AMOT: variants seen among roughly 807,000 people sequenced by gnomAD.
AMOT encodes the protein angiomotin.
A neutral mutation model predicts 67.0 loss-of-function variants in AMOT; 11 were observed. The observed-to-expected ratio is 0.16, with a 90% CI of 0.10 to 0.27. The LOEUF is 0.27. AMOT is among the 10% of genes least tolerant of loss of function. The probability of loss-of-function intolerance (pLI) is 1.00; values close to 1 mark genes in which losing one functional copy is unlikely to be tolerated. For synonymous variants in AMOT, 326 were observed against 321.4 expected, an observed-to-expected ratio of 1.01 and a Z score of -0.15; for missense variants, 753 against 852.0, an observed-to-expected ratio of 0.88 and a Z score of 1.45.
chrX:112,809,965 T>C lies in AMOT; in HGVS notation c.1559A>G (p.Lys520Arg). 1 of 1,210,852 alleles carries C rather than the reference T, an allele frequency of 8.3e-7. No individual in the cohort carries two copies. The highest frequency in any genetic ancestry group is 1.1e-6 in the Non-Finnish European group (1 of 894,947). The stretch of plus-strand genomic sequence containing the variant: ...CTCATATTCCTTCTCTGCAAGCTGC[T>C]TGTTGGCAGTCTCTAGACGCTCTGT... ...DLRERLETAN[K>R]QLAEKEYEGS... The change falls in exon 7 of 14, where the codon AAG becomes AGG. Residue 520 changes from lysine to arginine, a missense_variant. Coordinates refer to ENST00000371959, the MANE Select transcript of AMOT (RefSeq NM_001113490.2).
In AMOT at chrX:112,812,715, G is replaced by T. The variant is rs866788319; in HGVS notation, c.1393-1322C>A. On this transcript the variant is annotated intron_variant, in intron 5 of 13. Coordinates refer to ENST00000371959, the MANE Select transcript of AMOT (RefSeq NM_001113490.2). ...TGCAACCATTCTGCATTGCTTCTGTGTTTTCCACTATCCTGTTTAACAAAG... is the reference window on the plus strand; with the variant it reads ...TGCAACCATTCTGCATTGCTTCTGTTTTTTCCACTATCCTGTTTAACAAAG... 1.2e-4 allele frequency among the ~76,000 whole-genome samples: 13 copies of T among 112,132 alleles called. No homozygotes were observed. In the Middle Eastern group the frequency reaches 0.014, roughly 118 times the overall value.
Position 112,822,756 on chromosome X carries a change from T to G in AMOT, c.371A>C (p.His124Pro). 8.6e-7 allele frequency: 1 copy of G among 1,167,438 alleles called. No individual in the cohort carries two copies. The highest frequency in any genetic ancestry group is 1.1e-6 in the Non-Finnish European group (1 of 873,045). Reference protein sequence around the residue: ...VQSQYFRGQQHASVGAAFYVT... With the variant: ...VQSQYFRGQQPASVGAAFYVT... ...ATAGAAGGCAGCTCCAACACTGGCA[T>G]GCTGTTGGCCCCGAAAGTACTGGGA... The change falls in exon 4 of 14, where the codon CAT becomes CCT. Residue 124 changes from histidine (H) to proline (P), a missense_variant. Around this residue, in one of 5 missense-constraint regions of AMOT, gnomAD observed 118 missense variants for 125.9 expected, o/e 0.94. Transcript: ENST00000371959.
At chrX:112,835,836 T>C (rs1461024804) in intron 1 of AMOT, among the ~76,000 whole-genome samples, 1 of 111,514 alleles carries the variant, frequency 9.0e-6, no homozygotes, top group Admixed American at 9.5e-5. Context: ...CGCCCGCCTC[T>C]GCCTCCCAAA....
chrX:112,833,092 A>T (rs978680951), intron 1 of AMOT, among the ~76,000 whole-genome samples: 37 of 111,630 alleles, frequency 3.3e-4, no homozygotes, highest in Non-Finnish European at 4.0e-4. Flanking sequence ...TATTTGCACA[A>T]ACTACTGCAG....
At chrX:112,794,157 G>T (rs1026698810) in intron 8 of AMOT, among the ~76,000 whole-genome samples, 2 of 111,869 alleles carry the variant, frequency 1.8e-5, no homozygotes, top group Non-Finnish European at 3.8e-5. Context: ...CTACTGCAAT[G>T]CAAGCTCACA....
intron 10 of AMOT, among the ~76,000 whole-genome samples, chrX:112,786,099 A>G (rs1933355238): frequency 8.9e-6 from 1 of 111,827 alleles, no homozygotes; most frequent in Non-Finnish European, 1.9e-5. Context: ...TATCATTGCT[A>G]TTATTACTGA....
chrX:112,815,256 A>G, intron 5 of AMOT, 102 bp downstream of exon 5: 1 of 1,037,256 alleles, frequency 9.6e-7, no homozygotes, highest in Non-Finnish European at 1.3e-6. Flanking sequence ...GACCTGCCAC[A>G]AGTAATGCTG....
chrX:112,822,957 G>A lies in AMOT; in HGVS notation c.170C>T (p.Pro57Leu), dbSNP rs943864931. ...PFPSGSGNPG[P>L]QSDVLSPQDH... ...TTGGGGACTCAACACATCACTCTGA[G>A]GGCCCGGGTTCCCACTGCCACTGGG... is the stretch of plus-strand genomic sequence containing the variant. Residue 57 changes from proline to leucine, a missense_variant, in exon 4 of 14, where the codon CCT becomes CTT. By Grantham distance (98) the Pro-to-Leu change is moderately conservative. Transcript: ENST00000371959. 3.4e-6 allele frequency: 4 copies of A among 1,167,793 alleles called. No individual in the cohort carries two copies. Among genetic ancestry groups the A allele is most frequent in the Middle Eastern group, 2.3e-4 (1 of 4,306 alleles).
intron 7 of AMOT, among the ~76,000 whole-genome samples, chrX:112,806,358 CGTGT>C (rs201848560): frequency 1.0e-5 from 1 of 97,023 alleles, no homozygotes; most frequent in Non-Finnish European, 2.0e-5. Context: ...ATGTATAAAA[CGTGT>C]GTGTATATAT....
rs1392329460 is a variant in AMOT at position 112,805,050 on chromosome X, A to G, written c.1673T>C (p.Leu558Pro). ...CTCATTGGTAGAACGGGCAGTGGCC[A>G]GCTCCGCTTCCAGCTTCTCCTTCTC... The part of the protein sequence containing the change: ...QREKEKLEAE[L>P]ATARSTNEDQ... Residue 558 changes from leucine (L) to proline (P), a missense_variant, in exon 8 of 14, where the codon CTG becomes CCG. By Grantham distance (98) the Leu-to-Pro change is moderately conservative. This residue lies in a region of AMOT where 297 missense variants were observed against 284.3 expected (regional missense o/e 1.04). Coordinates refer to ENST00000371959, the MANE Select transcript of AMOT (RefSeq NM_001113490.2). The G allele has an allele frequency of 8.3e-7, 1 of 1,209,712 alleles. No individual in the cohort carries two copies. The highest frequency in any genetic ancestry group is 1.1e-6 in the Non-Finnish European group (1 of 895,223).
In AMOT at chrX:112,777,317, C is replaced by T. The variant is rs1394893905; in HGVS notation, c.*1250G>A. On this transcript the variant is annotated 3_prime_UTR_variant, in exon 14 of 14. Coordinates refer to ENST00000371959, the MANE Select transcript of AMOT (RefSeq NM_001113490.2). The stretch of plus-strand genomic sequence containing the variant: ...CTATGGCAAGGCTTGGAGCCATTGC[C>T]TCCTTTGATCTCTACCCACATGCAC... 1 of 111,619 alleles carries T rather than the reference C, an allele frequency of 9.0e-6. No individual in the cohort carries two copies. The highest frequency in any genetic ancestry group is 1.9e-5 in the Non-Finnish European group (1 of 53,109). The allele number at this position is 111,619 out of a possible 1,213,427, so 9.2% of individuals were successfully genotyped here.
chrX:112,779,794 G>A, intron 12 of AMOT, 114 bp from the exon 13 acceptor site: 3 of 299,157 alleles, frequency 1.0e-5, no homozygotes, highest in South Asian at 2.2e-4. Context: ...TTTTAAATAA[G>A]TAAATATTAT....
chrX:112,817,033 G>A (rs775963475), intron 4 of AMOT, among the ~76,000 whole-genome samples: 1 of 112,138 alleles, frequency 8.9e-6, no homozygotes, highest in African/African-American at 3.2e-5. Context: ...GCTTGTTCAT[G>A]CCCTAGCTCA....
intron 4 of AMOT, among the ~76,000 whole-genome samples, chrX:112,820,238 G>A (rs1241389156): frequency 8.9e-6 from 1 of 111,906 alleles, no homozygotes; most frequent in Non-Finnish European, 1.9e-5. Flanking sequence ...CAGCAAAACT[G>A]TGTATTAAAA....
chrX:112,811,182 C>T, intron 6 of AMOT, 67 bp downstream of exon 6: 2 of 1,184,137 alleles, frequency 1.7e-6, no homozygotes, highest in Non-Finnish European at 2.3e-6. Flanking sequence ...GGATCCTGCT[C>T]AGCCCTTCCC....
intron 7 of AMOT, 112 bp downstream of exon 7, chrX:112,809,782 A>T: frequency 3.4e-6 from 2 of 593,613 alleles, no homozygotes; most frequent in Non-Finnish European, 5.4e-6. Flanking sequence ...TCCTTAGGTG[A>T]TATTGACTCT....
chrX:112,806,846 C>T (rs1168059382), intron 7 of AMOT, among the ~76,000 whole-genome samples: 1 of 111,725 alleles, frequency 9.0e-6, no homozygotes, highest in African/African-American at 3.3e-5. Flanking sequence ...CACTGAATTC[C>T]AACGAAGTAA....
Position 112,822,662 on chromosome X carries a change from T to G in AMOT, c.465A>C (p.Gly155=). 1 of 1,166,866 alleles carries G rather than the reference T, an allele frequency of 8.6e-7. No homozygotes were observed. The highest frequency in any genetic ancestry group is 1.1e-6 in the Non-Finnish European group (1 of 873,040). ...GRPSVQRLNP[G]KMHQDEGLRD... is the part of the protein sequence containing the mutation. ...TGAGTCCCTCATCTTGGTGCATCTTTCCAGGATTGAGCCGCTGAACTGATG... is the reference window on the plus strand; with the variant it reads ...TGAGTCCCTCATCTTGGTGCATCTTGCCAGGATTGAGCCGCTGAACTGATG... Residue 155 remains glycine, a synonymous_variant, in exon 4 of 14, where the codon GGA becomes GGC. Transcript: ENST00000371959.
At chrX:112,796,871 G>A (rs1933837431) in intron 8 of AMOT, among the ~76,000 whole-genome samples, 1 of 111,569 alleles carries the variant, frequency 9.0e-6, no homozygotes. Flanking sequence ...GGCATTTGGT[G>A]ACTAAAAGCC....
Sources: gnomAD v4.1 joint callset for allele counts (sites outside exome capture counted in the v4.1 genomes callset) on GRCh38, gnomAD v4.1.1 for gene constraint, gnomAD v4.1.1 regional missense constraint, MANE v1.5 for transcripts, NCBI Gene and HGNC (gene_info 2026-07-23, HGNC 2026-07-21) for gene names.